The following CHST8 variants were observed in gnomAD, a reference collection of about 807,000 sequenced individuals.
CHST8 encodes carbohydrate sulfotransferase 8.
In CHST8, 10 loss-of-function variants were observed where a neutral mutation model predicts 15.0. The observed-to-expected ratio is 0.67, with a 90% CI of 0.41 to 1.13. CHST8 has a LOEUF of 1.13. Ranked by LOEUF, CHST8 falls within the 50% of genes most tolerant of loss-of-function variation. The pLI is 0.00. For missense variants in CHST8, 634 were observed against 608.2 expected (o/e 1.04, Z -0.45); for synonymous variants, 259 against 256.6 (o/e 1.01, Z -0.09).
chr19:33,697,725 ATTG>A (rs2145271654), intron 3 of CHST8, among the ~76,000 whole-genome samples: 1 of 152,266 alleles, frequency 6.6e-6, no homozygotes, highest in African/African-American at 2.4e-5. Context: ...GGTACCCAGT[ATTG>A]TTGTGTTCCG....
intron 3 of CHST8, among the ~76,000 whole-genome samples, chr19:33,733,448 T>G (rs1974029779): frequency 6.6e-6 from 1 of 152,140 alleles, no homozygotes; most frequent in East Asian, 1.9e-4. Context: ...TTGGCCAAGC[T>G]GGTCTTGAAG....
At chr19:33,770,909 C>G (rs1974967441) in intron 3 of CHST8, among the ~76,000 whole-genome samples, 1 of 148,664 alleles carries the variant, frequency 6.7e-6, no homozygotes, top group Admixed American at 7.1e-5. Flanking sequence ...ATTCCTAGGC[C>G]TGGTGTGTGC....
At chr19:33,637,548 G>A (rs1972221721) in intron 1 of CHST8, among the ~76,000 whole-genome samples, 1 of 151,312 alleles carries the variant, frequency 6.6e-6, no homozygotes, top group Admixed American at 6.6e-5. Context: ...GACTACAGGC[G>A]CACGCTGCCA....
intron 3 of CHST8, 141 bp from the exon 4 acceptor site, chr19:33,771,272 C>A: frequency 1.2e-6 from 1 of 800,596 alleles, no homozygotes. Flanking sequence ...AGCACTGAGC[C>A]ATGCCCTAAG....
In CHST8 at chr19:33,677,349, C is replaced by T. The variant is rs146808254; in HGVS notation, c.-87+9506C>T. ...TTCTGCCTGTGTCCTTGAGGTTGAG[C>T]GATGAGGGCATGTGAAACCCAGGAT... On this transcript the variant is annotated intron_variant, in intron 2 of 4. Coordinates refer to ENST00000650847, the MANE Select transcript of CHST8 (RefSeq NM_001127895.2). Among the ~76,000 whole-genome samples the T allele has an allele frequency of 3.9e-3, 593 of 152,204 alleles. 1 individual carries two copies. The highest frequency in any genetic ancestry group is 0.013 in the African/African-American group (559 of 41,512).
At chr19:33,674,295 T>C (rs796950183) in intron 2 of CHST8, among the ~76,000 whole-genome samples, 6 of 152,274 alleles carry the variant, frequency 3.9e-5, no homozygotes, top group African/African-American at 1.4e-4. Context: ...GTCACCTAGG[T>C]GTGGCCTGCT....
intron 3 of CHST8, among the ~76,000 whole-genome samples, chr19:33,738,384 A>G (rs138723261): frequency 3.5e-4 from 53 of 152,334 alleles, no homozygotes; most frequent in African/African-American, 1.2e-3. Flanking sequence ...CTGGGCTTTC[A>G]GCAAAACACC....
intron 1 of CHST8, among the ~76,000 whole-genome samples, chr19:33,646,004 T>C (rs1972351049): frequency 6.6e-6 from 1 of 152,108 alleles, no homozygotes; most frequent in Non-Finnish European, 1.5e-5. Context: ...GGTACATGCC[T>C]GTGGTCTCAG....
intron 1 of CHST8, among the ~76,000 whole-genome samples, chr19:33,637,392 A>C (rs1972218566): frequency 7.1e-6 from 1 of 140,768 alleles, no homozygotes; most frequent in Non-Finnish European, 1.5e-5. Flanking sequence ...TACCTAAAGA[A>C]AGGTTCGCTT....
chr19:33,717,175 C>T (rs1412754487), intron 3 of CHST8, among the ~76,000 whole-genome samples: 2 of 152,078 alleles, frequency 1.3e-5, no homozygotes, highest in Non-Finnish European at 2.9e-5. Flanking sequence ...AAAGTACATG[C>T]TCTGGCTGGG....
intron 2 of CHST8, 133 bp from the exon 3 acceptor site, chr19:33,689,043 A>G: frequency 2.4e-6 from 1 of 419,778 alleles, no homozygotes; most frequent in Non-Finnish European, 4.1e-6. Flanking sequence ...AAAGGATGGA[A>G]AGGGCACCCC....
chr19:33,715,460 T>TGATAG (rs1973649020), intron 3 of CHST8, among the ~76,000 whole-genome samples: 1 of 152,172 alleles, frequency 6.6e-6, no homozygotes, highest in Non-Finnish European at 1.5e-5. Context: ...AGAGACAACT[T>TGATAG]GATAGGATAG....
intron 3 of CHST8, among the ~76,000 whole-genome samples, chr19:33,749,125 C>G (rs1162076071): frequency 6.6e-6 from 1 of 152,132 alleles, no homozygotes; most frequent in Non-Finnish European, 1.5e-5. Flanking sequence ...GCAGCAAAAG[C>G]AGCTATGTCC....
chr19:33,722,718 C>CGAG (rs573412042), intron 3 of CHST8, among the ~76,000 whole-genome samples: 52 of 150,420 alleles, frequency 3.5e-4, no homozygotes, highest in Admixed American at 2.7e-3. Flanking sequence ...TTTCCCACCC[C>CGAG]GAGCGTAACT....
chr19:33,761,311 T>C (rs1974723201), intron 3 of CHST8, among the ~76,000 whole-genome samples: 1 of 151,974 alleles, frequency 6.6e-6, no homozygotes, highest in Non-Finnish European at 1.5e-5. Context: ...CTGGGCAGCA[T>C]AGTGAGACCT....
At chr19:33,674,312 C>G (rs1014665530) in intron 2 of CHST8, among the ~76,000 whole-genome samples, 1 of 152,176 alleles carries the variant, frequency 6.6e-6, no homozygotes, top group Non-Finnish European at 1.5e-5. Flanking sequence ...TGCTACTTCC[C>G]CCAGTCCCAA....
At chr19:33,672,475 A>G (rs1972750755) in intron 2 of CHST8, among the ~76,000 whole-genome samples, 1 of 152,192 alleles carries the variant, frequency 6.6e-6, no homozygotes, top group South Asian at 2.1e-4. Flanking sequence ...CTGGGATTAC[A>G]GGTGTGAGCC....
chr19:33,724,205 C>G (rs1225080284), intron 3 of CHST8, among the ~76,000 whole-genome samples: 3 of 152,190 alleles, frequency 2.0e-5, no homozygotes, highest in African/African-American at 2.4e-5. Flanking sequence ...TGACCAGGCT[C>G]CACCGGTTAC....
intron 3 of CHST8, among the ~76,000 whole-genome samples, chr19:33,743,420 G>A (rs1233211028): frequency 6.7e-6 from 1 of 149,570 alleles, no homozygotes; most frequent in Non-Finnish European, 1.5e-5. Flanking sequence ...TCCTGCCTCA[G>A]CCTCCCGAGT....
Sources: gnomAD v4.1 joint callset for allele counts (sites outside exome capture counted in the v4.1 genomes callset) on GRCh38, gnomAD v4.1.1 for gene constraint, MANE v1.5 for transcripts, NCBI Gene and HGNC (gene_info 2026-07-23, HGNC 2026-07-21) for gene names.